KCNN2: variants seen among roughly 807,000 people sequenced by gnomAD.
KCNN2 encodes the protein small conductance calcium-activated potassium channel protein 2.
KCNN2 carries 24 observed loss-of-function variants against 55.5 expected under a neutral mutation model. The observed-to-expected ratio is 0.43, with a 90% CI of 0.31 to 0.61. KCNN2 has a LOEUF of 0.61. KCNN2 is among the 20% of genes least tolerant of loss of function. The pLI is 0.08. For synonymous variants in KCNN2, 431 were observed against 336.1 expected, an observed-to-expected ratio of 1.28 and a Z score of -3.09; for missense variants, 754 against 853.6, an observed-to-expected ratio of 0.88 and a Z score of 1.45.
chr5:114,150,836 A>G (rs1752505863), intron 1 of KCNN2, among the ~76,000 whole-genome samples: 1 of 152,186 alleles, frequency 6.6e-6, no homozygotes, highest in Admixed American at 6.5e-5. Flanking sequence ...AGCCTGACCA[A>G]CATGGAGAAA....
At chr5:114,141,663 G>A (rs531502520) in intron 1 of KCNN2, among the ~76,000 whole-genome samples, 1 of 152,180 alleles carries the variant, frequency 6.6e-6, no homozygotes, top group African/African-American at 2.4e-5. Context: ...GGGATGGCTG[G>A]GTCAAATGGT....
At chr5:114,331,770 G>T (rs925093004) in intron 2 of KCNN2, among the ~76,000 whole-genome samples, 7 of 152,104 alleles carry the variant, frequency 4.6e-5, no homozygotes, top group African/African-American at 1.7e-4. Flanking sequence ...GTAAGTAACA[G>T]GACCAATTTT....
chr5:114,321,650 TG>T (rs961124933), intron 2 of KCNN2, among the ~76,000 whole-genome samples: 3 of 101,848 alleles, frequency 2.9e-5, no homozygotes, highest in Admixed American at 1.0e-4. Context: ...TCACTGGATT[TG>T]TTTTTTTTTT....
intron 1 of KCNN2, among the ~76,000 whole-genome samples, chr5:114,103,624 T>G (rs1751419069): frequency 6.6e-6 from 1 of 152,214 alleles, no homozygotes; most frequent in South Asian, 2.1e-4. Context: ...ATTGAGTGTT[T>G]TTAGCATGAA....
chr5:114,455,021 A>T (rs2150108265), intron 3 of KCNN2, among the ~76,000 whole-genome samples: 1 of 151,034 alleles, frequency 6.6e-6, no homozygotes, highest in Non-Finnish European at 1.5e-5. Context: ...CTCTCTTGGG[A>T]TTTTTTTTAA....
chr5:114,463,865 G>A (rs1761320108), intron 4 of KCNN2, among the ~76,000 whole-genome samples: 2 of 152,216 alleles, frequency 1.3e-5, no homozygotes, highest in African/African-American at 4.8e-5. Flanking sequence ...GAAGTGAGAA[G>A]GGTCCATACC....
At chr5:114,202,559 ATG>A (rs67411021) in intron 1 of KCNN2, among the ~76,000 whole-genome samples, 31,633 of 117,748 alleles carry the variant, frequency 0.27, 5,210 homozygotes, top group South Asian at 0.34. Flanking sequence ...CCTAATATAT[ATG>A]TGTGTGTATA....
intron 2 of KCNN2, among the ~76,000 whole-genome samples, chr5:114,370,308 C>T (rs1757723347): frequency 6.6e-6 from 1 of 152,076 alleles, no homozygotes; most frequent in Non-Finnish European, 1.5e-5. Context: ...ATTTTACGTT[C>T]AGGTGAAGTC....
intron 1 of KCNN2, among the ~76,000 whole-genome samples, chr5:114,136,271 G>C (rs1752172199): frequency 1.3e-5 from 2 of 152,178 alleles, no homozygotes; most frequent in Admixed American, 1.3e-4. Flanking sequence ...TATATCTTGA[G>C]AGTGGGTGGT....
intron 2 of KCNN2, 55 bp downstream of exon 2, chr5:114,364,056 G>A (rs565489919): frequency 2.5e-4 from 320 of 1,287,238 alleles, no homozygotes; most frequent in Non-Finnish European, 3.4e-4. Flanking sequence ...TCAGCCTAGA[G>A]AAACGCAAGG....
intron 1 of KCNN2, among the ~76,000 whole-genome samples, chr5:114,064,402 C>G (rs1184309136): frequency 6.6e-6 from 1 of 152,192 alleles, no homozygotes; most frequent in African/African-American, 2.4e-5. Context: ...GGAAGCCAGT[C>G]TCCATGCTAG....
At chr5:114,446,550 C>T (rs1306047502) in intron 3 of KCNN2, among the ~76,000 whole-genome samples, 1 of 152,138 alleles carries the variant, frequency 6.6e-6, no homozygotes, top group Non-Finnish European at 1.5e-5. Context: ...CTCCGTCTCC[C>T]AGGTTCAAGC....
chr5:114,362,937 C>T lies in KCNN2; in HGVS notation c.798C>T (p.Ala266=), dbSNP rs773567446. The T allele has an allele frequency of 1.1e-4, 171 of 1,547,004 alleles. No homozygotes were observed. Among genetic ancestry groups the T allele is most frequent in the Non-Finnish European group, 1.1e-5 (12 of 1,140,760 alleles). ...GGASSPSAAA[A]AAAAVSSSAP... ...CGTCCTCCCCGTCTGCAGCCGCTGCCGCCGCCGCCGCTGTTTCGTCCTCAG... is the reference window on the plus strand; with the variant it reads ...CGTCCTCCCCGTCTGCAGCCGCTGCTGCCGCCGCCGCTGTTTCGTCCTCAG... Residue 266 remains alanine, a synonymous_variant, in exon 1 of 8, where the codon GCC becomes GCT. Coordinates refer to ENST00000673685, the MANE Select transcript of KCNN2 (RefSeq NM_021614.4).
At chr5:114,124,242 A>G (rs1263533135) in intron 1 of KCNN2, among the ~76,000 whole-genome samples, 1 of 152,236 alleles carries the variant, frequency 6.6e-6, no homozygotes, top group Admixed American at 6.5e-5. Context: ...AGGAAAGGAA[A>G]AGAACCTTTA....
At chr5:114,125,121 T>C (rs1580535081) in intron 1 of KCNN2, among the ~76,000 whole-genome samples, 1 of 152,318 alleles carries the variant, frequency 6.6e-6, no homozygotes, top group Admixed American at 6.5e-5. Context: ...AATTTGTATA[T>C]ATTGGAGAAA....
At chr5:114,118,979 T>C (rs1452543012) in intron 1 of KCNN2, among the ~76,000 whole-genome samples, 1 of 152,046 alleles carries the variant, frequency 6.6e-6, no homozygotes, top group Non-Finnish European at 1.5e-5. Context: ...AGTTTCTTCA[T>C]ATAGAAGAGG....
chr5:114,091,985 C>A (rs1267227286), intron 1 of KCNN2, among the ~76,000 whole-genome samples: 1 of 152,164 alleles, frequency 6.6e-6, no homozygotes, highest in South Asian at 2.1e-4. Context: ...TCTCATGTTT[C>A]TTTCACATTT....
At chr5:114,141,715 C>T (rs1752285249) in intron 1 of KCNN2, among the ~76,000 whole-genome samples, 2 of 152,176 alleles carry the variant, frequency 1.3e-5, no homozygotes, top group Admixed American at 6.6e-5. Context: ...CACTGTCTTC[C>T]ACAATGGTTG....
At chr5:114,080,272 G>T (rs1750781770) in intron 1 of KCNN2, among the ~76,000 whole-genome samples, 1 of 152,150 alleles carries the variant, frequency 6.6e-6, no homozygotes, top group African/African-American at 2.4e-5. Flanking sequence ...AGAACTTATT[G>T]CACATTCCTG....
Sources: allele counts gnomAD v4.1 joint callset (sites outside exome capture counted in the v4.1 genomes callset), GRCh38; gene constraint gnomAD v4.1.1; transcripts MANE v1.5; gene names NCBI Gene and HGNC (gene_info 2026-07-23, HGNC 2026-07-21).